PPFIA3: variants seen among roughly 807,000 people sequenced by gnomAD.
PPFIA3 encodes the protein liprin-alpha-3.
Under a neutral mutation model 145.8 loss-of-function variants are expected in PPFIA3, and 26 were observed. The ratio of observed to expected loss-of-function variants is 0.18; its 90% confidence interval spans 0.13 to 0.25. The LOEUF (loss-of-function observed/expected upper bound fraction) is 0.25. PPFIA3 is among the 10% of genes least tolerant of loss of function. The pLI, the probability that PPFIA3 is intolerant of heterozygous loss-of-function variation, is 1.00. For synonymous variants in PPFIA3, 645 were observed against 661.4 expected, an observed-to-expected ratio of 0.98 and a Z score of 0.38; for missense variants, 1,008 against 1,587.8, an observed-to-expected ratio of 0.63 and a Z score of 6.21.
Position 49,149,432 on chromosome 19 carries a change from A to G in PPFIA3, c.3354+107A>G. The G allele has an allele frequency of 1.9e-6, 3 of 1,584,650 alleles. No homozygotes were observed. Among genetic ancestry groups the G allele is most frequent in the Non-Finnish European group, 2.6e-6 (3 of 1,155,346 alleles). ...AATGGTCACGGTTGGAGGCGGGGCC[A>G]GGAGAGGGGCGGGGTTAAAGGAGAG... On this transcript the variant is annotated intron_variant, in intron 27 of 29. Coordinates refer to ENST00000334186, the MANE Select transcript of PPFIA3 (RefSeq NM_003660.4). The surrounding 1 kb of genome is among the most constrained non-coding windows in gnomAD (Gnocchi z 5.7).
Position 49,149,569 on chromosome 19 carries a change from G to A in PPFIA3, c.3377G>A (p.Arg1126His), listed in dbSNP as rs756732533. The change falls in exon 28 of 30, where the codon CGC becomes CAC. Residue 1126 changes from arginine (R) to histidine (H), a missense_variant. By Grantham distance (29) the Arg-to-His change is conservative (BLOSUM62 0). Around this residue, in one of 11 missense-constraint regions of PPFIA3, gnomAD observed 125 missense variants for 159.3 expected, o/e 0.78. Transcript: ENST00000334186. The surrounding 1 kb of genome is among the most constrained non-coding windows in gnomAD (Gnocchi z 5.7). ...TAGGACAGCGCCAAGTCTTTCAGCCGCTCCCCATCCTGGCGGAAGATGTTC... is the reference window on the plus strand; with the variant it reads ...TAGGACAGCGCCAAGTCTTTCAGCCACTCCCCATCCTGGCGGAAGATGTTC... ...LDEDSAKSFS[R>H]SPSWRKMFRE... The A allele has an allele frequency of 6.2e-6, 10 of 1,614,194 alleles. No homozygotes were observed. The highest frequency in any genetic ancestry group is 3.3e-5 in the Admixed American group (2 of 60,026).
chr19:49,121,485 A>C (rs1171682063), intron 1 of PPFIA3, among the ~76,000 whole-genome samples: 7 of 152,140 alleles, frequency 4.6e-5, no homozygotes, highest in Non-Finnish European at 1.0e-4. Context: ...AATTAAAAAA[A>C]AATTTTTTTG....
intron 19 of PPFIA3, 66 bp downstream of exon 19, chr19:49,141,579 T>TGTGC (rs1568439987): frequency 1.8e-6 from 2 of 1,081,402 alleles, no homozygotes. Flanking sequence ...AGGGTGTGTG[T>TGTGC]GTGCGTGTAT....
Position 49,128,173 on chromosome 19 carries a change from C to T in PPFIA3, c.240+60C>T. ...GGGGCCTCGGGGGGAAGAAGGCGGT[C>T]CGGAAGGGGCCGGGCTTGGCGCCTG... On this transcript the variant is annotated intron_variant, in intron 2 of 29. Coordinates refer to ENST00000334186, the MANE Select transcript of PPFIA3 (RefSeq NM_003660.4). The surrounding 1 kb of genome is among the most constrained non-coding windows in gnomAD (Gnocchi z 4.1). 1 of 1,464,146 alleles carries T rather than the reference C, an allele frequency of 6.8e-7. No homozygotes were observed. 90.7% of individuals were successfully genotyped at this position (1,464,146 alleles called of 1,614,324 possible). A position where few individuals can be genotyped will look rare whatever the true frequency, so the allele number is the denominator to read the frequency against.
In PPFIA3 at chr19:49,150,290, C is replaced by G. The variant is rs1239520575; in HGVS notation, c.*68C>G. The stretch of plus-strand genomic sequence containing the variant: ...CGAGGCTGGGCTGTTCCCTCTCCTG[C>G]CCGGACTGTGGCCTCGCCGGGGAGA... On this transcript the variant is annotated 3_prime_UTR_variant, in exon 30 of 30. Coordinates refer to ENST00000334186, the MANE Select transcript of PPFIA3 (RefSeq NM_003660.4). The G allele has an allele frequency of 2.4e-6, 2 of 834,218 alleles. No individual in the cohort carries two copies. Among genetic ancestry groups the G allele is most frequent in the South Asian group, 1.8e-5 (1 of 56,560 alleles). The allele number at this position is 834,218 out of a possible 1,614,324, so 51.7% of individuals were successfully genotyped here.
In PPFIA3 at chr19:49,146,196, GGGGGCGC is replaced by G; in HGVS notation, c.2835+11_2835+17del. 1 of 1,613,838 alleles carries G rather than the reference GGGGGCGC, an allele frequency of 6.2e-7. No individual in the cohort carries two copies. Among genetic ancestry groups the G allele is most frequent in the Non-Finnish European group, 8.5e-7 (1 of 1,179,920 alleles). On this transcript the variant is annotated splice_donor_5th_base_variant and intron_variant, in intron 23 of 29. Transcript: ENST00000334186. ...CAAGGAGATCAGCTGGGAGCAGGTA[GGGGGCGC>G]GGGGCGGGGCGTGAGCGCATGAACA... is the stretch of plus-strand genomic sequence containing the variant.
chr19:49,119,858 C>T (rs1457598151), intron 1 of PPFIA3, 136 bp downstream of exon 1: 1 of 152,140 alleles, frequency 6.6e-6, no homozygotes, highest in Non-Finnish European at 1.5e-5. Context: ...ACCCCAACCC[C>T]GGGGACTCAG....
intron 20 of PPFIA3, 98 bp from the exon 21 acceptor site, chr19:49,142,706 A>C (rs1368855445): frequency 3.3e-3 from 2,014 of 615,272 alleles, no homozygotes; most frequent in South Asian, 5.1e-3. Flanking sequence ...TTCGCTCCCC[A>C]CCCCCTTGCC....
At chr19:49,143,493 C>T (rs2041248101) in intron 21 of PPFIA3, among the ~76,000 whole-genome samples, 1 of 152,120 alleles carries the variant, frequency 6.6e-6, no homozygotes, top group African/African-American at 2.4e-5. Flanking sequence ...CTGTCTCAGC[C>T]TCCTGAGTAG....
Position 49,142,788 on chromosome 19 carries a change from TGTCCCTCC to T in PPFIA3, c.2545-14_2545-7del, listed in dbSNP as rs2041240055. The T allele has an allele frequency of 1.1e-5, 17 of 1,564,126 alleles. No homozygotes were observed. The highest frequency in any genetic ancestry group is 1.4e-5 in the Non-Finnish European group (16 of 1,148,424). Reference sequence around the variant, plus strand: ...TGTCCCTCTGTCCCCTCTGTCCCTCTGTCCCTCCGCTGCAGCTGTGGGTGGGCATGCCT... The same window carrying T: ...TGTCCCTCTGTCCCCTCTGTCCCTCTGCTGCAGCTGTGGGTGGGCATGCCT... On this transcript the variant is annotated splice_polypyrimidine_tract_variant and splice_region_variant and intron_variant, in intron 20 of 29. Coordinates refer to ENST00000334186, the MANE Select transcript of PPFIA3 (RefSeq NM_003660.4).
intron 25 of PPFIA3, 69 bp from the exon 26 acceptor site, chr19:49,148,924 G>A (rs2034558893): frequency 1.9e-6 from 3 of 1,590,388 alleles, no homozygotes; most frequent in Non-Finnish European, 2.6e-6. Flanking sequence ...AATGGAGGTG[G>A]AGGTATGGGC....
At chr19:49,129,240 T>C in intron 4 of PPFIA3, 140 bp from the exon 5 acceptor site, 2 of 988,288 alleles carry the variant, frequency 2.0e-6, no homozygotes, top group Non-Finnish European at 2.9e-6. Context: ...GGATAGCTGG[T>C]TGCGGCTGCA....
intron 15 of PPFIA3, 81 bp from the exon 16 acceptor site, chr19:49,138,124 T>G: frequency 6.9e-7 from 1 of 1,441,058 alleles, no homozygotes; most frequent in Non-Finnish European, 9.2e-7. Flanking sequence ...ACCAGGCCTT[T>G]CTGGCCCATT....
At chr19:49,131,042 T>TG (rs1026247207) in intron 7 of PPFIA3, among the ~76,000 whole-genome samples, 3 of 150,324 alleles carry the variant, frequency 2.0e-5, no homozygotes, top group Non-Finnish European at 4.4e-5. Flanking sequence ...TTTTTTTTTT[T>TG]TTTGTATTTT....
intron 1 of PPFIA3, among the ~76,000 whole-genome samples, chr19:49,126,091 C>T (rs969803749): frequency 6.6e-5 from 10 of 151,976 alleles, no homozygotes; most frequent in African/African-American, 2.4e-4. Context: ...GCTGGGACTA[C>T]AGGTGCGTGC....
Position 49,133,472 on chromosome 19 carries a change from C to T in PPFIA3, c.1161+101C>T. The T allele has an allele frequency of 1.6e-6, 2 of 1,228,128 alleles. No individual in the cohort carries two copies. The highest frequency in any genetic ancestry group is 2.1e-6 in the Non-Finnish European group (2 of 934,214). The allele number at this position is 1,228,128 out of a possible 1,614,324, so 76.1% of individuals were successfully genotyped here. A position where few individuals can be genotyped will look rare whatever the true frequency, so the allele number is the denominator to read the frequency against. On this transcript the variant is annotated intron_variant, in intron 9 of 29. Transcript: ENST00000334186. This position sits in a 1 kb window ranked among gnomAD's most constrained non-coding sequence, Gnocchi z 7.2. ...AGGGGTAGGAGCGAGGTCAGAACCC[C>T]GGATTTGGGGGAAAGGGTGGGGCCT... is the stretch of plus-strand genomic sequence containing the variant.
intron 20 of PPFIA3, 96 bp from the exon 21 acceptor site, chr19:49,142,708 C>T (rs1033563442): frequency 1.9e-6 from 2 of 1,026,448 alleles, no homozygotes; most frequent in Admixed American, 4.0e-5. Flanking sequence ...CGCTCCCCAC[C>T]CCCTTGCCTT....
chr19:49,143,149 C>G, intron 21 of PPFIA3, 145 bp downstream of exon 21: 1 of 950,978 alleles, frequency 1.1e-6, no homozygotes, highest in East Asian at 2.7e-5. Context: ...CTCCCCTCCA[C>G]TCCTAACTTG....
At chr19:49,136,006 G>T in intron 14 of PPFIA3, 83 bp downstream of exon 14, 3 of 1,390,852 alleles carry the variant, frequency 2.2e-6, no homozygotes, top group South Asian at 3.2e-5. Context: ...GTGGGGCTCC[G>T]GGAGGAAGCT....
Sources: gnomAD v4.1 joint callset for allele counts (sites outside exome capture counted in the v4.1 genomes callset) on GRCh38, gnomAD v4.1.1 for gene constraint, gnomAD v4.1.1 regional missense constraint, Gnocchi (gnomAD v3.1) non-coding constraint, MANE v1.5 for transcripts, NCBI Gene and HGNC (gene_info 2026-07-23, HGNC 2026-07-21) for gene names.